The following C6orf89 variants were observed in gnomAD, a reference collection of about 807,000 sequenced individuals.
C6orf89 encodes the protein bombesin receptor-activated protein C6orf89.
In C6orf89, 29 loss-of-function variants were observed where a neutral mutation model predicts 40.7. The observed-to-expected ratio is 0.71, with a 90% CI of 0.53 to 0.97. The LOEUF (loss-of-function observed/expected upper bound fraction) is 0.97, where lower values mean the gene tolerates loss of function less well. Ranked by LOEUF, C6orf89 falls within the 50% of genes least tolerant of loss-of-function variation. The pLI is 0.00. For missense variants in C6orf89, 392 were observed against 429.1 expected (o/e 0.91, Z 0.76); for synonymous variants, 165 against 152.2 (o/e 1.08, Z -0.62).
upstream of C6orf89, among the ~76,000 whole-genome samples, chr6:36,882,713 CTTTT>C (rs1168220528): frequency 3.8e-3 from 434 of 115,434 alleles, 12 homozygotes; most frequent in Admixed American, 0.032. Context: ...TTGTCATTTT[CTTTT>C]TTTTTTTTTC....
chr6:36,918,863 A>G (rs1381472594), intron 7 of C6orf89, among the ~76,000 whole-genome samples: 3 of 152,208 alleles, frequency 2.0e-5, no homozygotes, highest in Non-Finnish European at 2.9e-5. Flanking sequence ...TGCTGGCAGT[A>G]TCATGCCCTC....
At chr6:36,918,521 G>A (rs1762402998) in intron 7 of C6orf89, among the ~76,000 whole-genome samples, 1 of 152,176 alleles carries the variant, frequency 6.6e-6, no homozygotes, top group African/African-American at 2.4e-5. Flanking sequence ...CAGCAGCAGA[G>A]AGAACAGGGT....
In C6orf89 at chr6:36,889,582, C is replaced by CAAAAAAAAAAAAA. The variant is rs58417436; in HGVS notation, c.-120+3565_-120+3566insAAAAAAAAAAAAA. Reference sequence around the variant, plus strand: ...GTCCTAAAAGACCAAAAAACAAAAACAAAAAAAAAAAGAAAAACCACACAC... The same window carrying CAAAAAAAAAAAAA: ...GTCCTAAAAGACCAAAAAACAAAAACAAAAAAAAAAAAAAAAAAAAAAAAGAAAAACCACACAC... On this transcript the variant is annotated intron_variant, in intron 1 of 8. Coordinates refer to ENST00000480824, the MANE Select transcript of C6orf89 (RefSeq NM_001286635.2). Among the ~76,000 whole-genome samples the CAAAAAAAAAAAAA allele has an allele frequency of 2.6e-4, 36 of 140,446 alleles. 1 individual carries two copies. Among genetic ancestry groups the CAAAAAAAAAAAAA allele is most frequent in the East Asian group, 8.3e-4 (4 of 4,818 alleles). The allele number at this position is 140,446 out of a possible 152,430, so 92.1% of individuals were successfully genotyped here. A position where few individuals can be genotyped will look rare whatever the true frequency, so the allele number is the denominator to read the frequency against.
rs1341326932 is a variant in C6orf89 at position 36,927,552 on chromosome 6, G to A, written c.*4111G>A. Reference sequence around the variant, plus strand: ...GAGCTCTCCTGACAATGAAGGAAAAGCTCTCTTGAGTATACAAGTTCCACA... The same window carrying A: ...GAGCTCTCCTGACAATGAAGGAAAAACTCTCTTGAGTATACAAGTTCCACA... On this transcript the variant is annotated 3_prime_UTR_variant, in exon 9 of 9. Coordinates refer to ENST00000480824, the MANE Select transcript of C6orf89 (RefSeq NM_001286635.2). 4.6e-5 allele frequency: 7 copies of A among 152,208 alleles called. No individual in the cohort carries two copies. The South Asian group carries it at 1.0e-3, about 23-fold the overall frequency. The allele number at this position is 152,208 out of a possible 1,614,324, so 9.4% of individuals were successfully genotyped here.
intron 1 of C6orf89, chr6:36,874,992 T>C: frequency 3.6e-6 from 2 of 548,286 alleles, no homozygotes; most frequent in Non-Finnish European, 6.4e-6. Context: ...AAATGCAAAC[T>C]TCATTCGCGG....
chr6:36,926,498 A>C lies in C6orf89; in HGVS notation c.*3057A>C, dbSNP rs1241331241. 2 of 150,230 alleles carry C rather than the reference A, an allele frequency of 1.3e-5. No individual in the cohort carries two copies. Among genetic ancestry groups the C allele is most frequent in the African/African-American group, 2.4e-5 (1 of 40,910 alleles). The allele number at this position is 150,230 out of a possible 1,614,324, so 9.3% of individuals were successfully genotyped here. Reference sequence around the variant, plus strand: ...CAGTGAGCCAAGATTGTGCCACTTCATTCCAGCCTGGGCGACAGAGCGAAA... The same window carrying C: ...CAGTGAGCCAAGATTGTGCCACTTCCTTCCAGCCTGGGCGACAGAGCGAAA... On this transcript the variant is annotated 3_prime_UTR_variant, in exon 9 of 9. Transcript: ENST00000480824.
At position 36,875,984 on chromosome 6, in the gene C6orf89, C is replaced by G. The variant is rs888416444; in HGVS notation, c.-627-3024C>G. ...TGCTCTTCTTGCACAGTACAGAGCA[C>G]AGGGTGCTCAGCTTTGCTGAATGAA... is the stretch of plus-strand genomic sequence containing the variant. On this transcript the variant is annotated intron_variant, in intron 1 of 9. Coordinates refer to the C6orf89 transcript ENST00000359359. Among the ~76,000 whole-genome samples, 8 of 152,356 alleles carry G rather than the reference C, an allele frequency of 5.3e-5. No homozygotes were observed. The South Asian group carries it at 1.2e-3, about 24-fold the overall frequency.
chr6:36,880,183 A>G (rs551300228), intron 2 of C6orf89, among the ~76,000 whole-genome samples: 2 of 152,248 alleles, frequency 1.3e-5, no homozygotes, highest in Non-Finnish European at 2.9e-5. Context: ...AATCAGTAAT[A>G]AGAAATTTAA....
In C6orf89 at chr6:36,916,456, T is replaced by C. The variant is rs1762325897; in HGVS notation, c.707T>C (p.Leu236Pro). ...FPFPYPWRRP[L>P]NRSQMLRELF... ...TCATACTTCTACAGGAGGAGACCTCTGAACAGATCACAAATGTTACGTGAG... is the reference window on the plus strand; with the variant it reads ...TCATACTTCTACAGGAGGAGACCTCCGAACAGATCACAAATGTTACGTGAG... The change falls in exon 7 of 9, where the codon CTG becomes CCG. Residue 236 changes from leucine (L) to proline (P), a missense_variant. Leu to Pro is a moderately conservative substitution (Grantham distance 98, BLOSUM62 -3). Coordinates refer to ENST00000480824, the MANE Select transcript of C6orf89 (RefSeq NM_001286635.2). 8 of 1,614,250 alleles carry C rather than the reference T, an allele frequency of 5.0e-6. No homozygotes were observed. The highest frequency in any genetic ancestry group is 6.8e-6 in the Non-Finnish European group (8 of 1,180,046).
At chr6:36,916,938 G>A (rs1011383236) in intron 7 of C6orf89, among the ~76,000 whole-genome samples, 15 of 152,160 alleles carry the variant, frequency 9.9e-5, no homozygotes, top group Non-Finnish European at 2.1e-4. Context: ...AGCCATGATC[G>A]GTGGTCGCTC....
intron 4 of C6orf89, among the ~76,000 whole-genome samples, chr6:36,908,464 TTATAA>T (rs1411865550): frequency 3.5e-5 from 3 of 86,362 alleles, no homozygotes; most frequent in African/African-American, 5.1e-5. Flanking sequence ...TTAAAAATAC[TTATAA>T]TAAAGTAATA....
intron 4 of C6orf89, among the ~76,000 whole-genome samples, chr6:36,909,214 A>C (rs1762034467): frequency 6.9e-6 from 1 of 145,964 alleles, no homozygotes; most frequent in Non-Finnish European, 1.5e-5. Flanking sequence ...AAAAATATGT[A>C]CCTGAGAGAT....
intron 1 of C6orf89, among the ~76,000 whole-genome samples, chr6:36,888,251 A>G (rs999680942): frequency 2.6e-5 from 4 of 152,190 alleles, no homozygotes; most frequent in African/African-American, 4.8e-5. Context: ...CAACTCCAGT[A>G]TCTGTGTTCT....
At chr6:36,892,759 C>G (rs1305658990) in intron 1 of C6orf89, 1 of 152,160 alleles carries the variant, frequency 6.6e-6, no homozygotes, top group Non-Finnish European at 1.5e-5. Flanking sequence ...TGCCTGTGCC[C>G]TTGCAGGTCT....
At chr6:36,918,855 C>A (rs1762414092) in intron 7 of C6orf89, among the ~76,000 whole-genome samples, 1 of 152,242 alleles carries the variant, frequency 6.6e-6, no homozygotes, top group African/African-American at 2.4e-5. Context: ...ATGCCTGTTG[C>A]TGGCAGTATC....
At chr6:36,876,366 A>C (rs1310045839) in intron 1 of C6orf89, among the ~76,000 whole-genome samples, 1 of 152,126 alleles carries the variant, frequency 6.6e-6, no homozygotes, top group Non-Finnish European at 1.5e-5. Context: ...AAAGAAACTC[A>C]CATTCTAGGA....
intron 1 of C6orf89, among the ~76,000 whole-genome samples, chr6:36,893,093 C>A (rs1481157153): frequency 1.3e-5 from 2 of 152,094 alleles, no homozygotes; most frequent in African/African-American, 4.8e-5. Flanking sequence ...CGCCACCGCG[C>A]CCGGCTAATT....
intron 4 of C6orf89, among the ~76,000 whole-genome samples, chr6:36,911,567 C>T (rs1426872489): frequency 2.6e-5 from 4 of 152,158 alleles, no homozygotes; most frequent in East Asian, 1.9e-4. Context: ...AAGAGCTGCT[C>T]GGTGCTAGCC....
At chr6:36,880,012 C>A (rs182363418) in intron 2 of C6orf89, among the ~76,000 whole-genome samples, 3 of 152,296 alleles carry the variant, frequency 2.0e-5, no homozygotes, top group South Asian at 4.1e-4. Flanking sequence ...CAGTTCCATT[C>A]CCTGCTTAGG....
Sources: gnomAD v4.1 joint callset for allele counts (sites outside exome capture counted in the v4.1 genomes callset) on GRCh38, gnomAD v4.1.1 for gene constraint, MANE v1.5 for transcripts, NCBI Gene and HGNC (gene_info 2026-07-23, HGNC 2026-07-21) for gene names.